Variants in ZNF536 observed in about 807,000 individuals in gnomAD.
ZNF536 encodes the protein zinc finger protein 536.
In ZNF536, 13 loss-of-function variants were observed where a neutral mutation model predicts 84.5. The observed-to-expected ratio is 0.15, with a 90% confidence interval of 0.10 to 0.24. The LOEUF is 0.24. Ranked by LOEUF, ZNF536 falls within the 10% of genes least tolerant of loss-of-function variation. ZNF536 has a pLI of 1.00. For missense variants in ZNF536, 1,536 were observed against 1,747.5 expected (o/e 0.88, Z 2.16); for synonymous variants, 811 against 742.5 (o/e 1.09, Z -1.50).
At chr19:30,514,226 C>G (rs2055539356) in intron 2 of ZNF536, among the ~76,000 whole-genome samples, 1 of 152,160 alleles carries the variant, frequency 6.6e-6, no homozygotes, top group Admixed American at 6.5e-5. Context: ...TCAATTGAAG[C>G]AGTTTGTCCA....
At chr19:30,453,509 T>C (rs1032134766) in intron 2 of ZNF536, among the ~76,000 whole-genome samples, 2 of 152,240 alleles carry the variant, frequency 1.3e-5, no homozygotes, top group Non-Finnish European at 2.9e-5. Flanking sequence ...TGACTGTTCC[T>C]TCCCTGTAAT....
intron 1 of ZNF536, among the ~76,000 whole-genome samples, chr19:30,264,671 AC>A (rs1047059546): frequency 1.3e-4 from 20 of 151,906 alleles, no homozygotes; most frequent in Admixed American, 1.0e-3. Flanking sequence ...ACACACACCC[AC>A]CCCAGTCTGG....
At chr19:30,694,565 C>G (rs112656598) in intron 1 of ZNF536, among the ~76,000 whole-genome samples, 1 of 152,134 alleles carries the variant, frequency 6.6e-6, no homozygotes, top group Non-Finnish European at 1.5e-5. Context: ...AGCTCCCCAG[C>G]GGCTGCCTCC....
intron 3 of ZNF536, among the ~76,000 whole-genome samples, chr19:30,360,624 T>C (rs1048670979): frequency 4.6e-5 from 7 of 152,074 alleles, no homozygotes; most frequent in African/African-American, 1.7e-4. Flanking sequence ...TGATAGTCGG[T>C]CTGACGCGGT....
intron 2 of ZNF536, among the ~76,000 whole-genome samples, chr19:30,299,295 GTTGA>G (rs1286156765): frequency 1.3e-5 from 2 of 152,146 alleles, no homozygotes; most frequent in Non-Finnish European, 2.9e-5. Flanking sequence ...TTTTTCATCT[GTTGA>G]TTTAGAAATC....
At chr19:30,299,899 T>C (rs563270163) in intron 2 of ZNF536, among the ~76,000 whole-genome samples, 1 of 152,300 alleles carries the variant, frequency 6.6e-6, no homozygotes, top group Admixed American at 6.5e-5. Context: ...AAAAAAGCCT[T>C]TTTTGAAAAA....
chr19:30,377,115 G>A (rs1239978840), intron 1 of ZNF536, among the ~76,000 whole-genome samples: 1 of 152,204 alleles, frequency 6.6e-6, no homozygotes, highest in Non-Finnish European at 1.5e-5. Context: ...CTGGGGCAAA[G>A]ATGTGAAGGA....
intron 1 of ZNF536, among the ~76,000 whole-genome samples, chr19:30,231,750 G>A (rs1255669979): frequency 6.6e-6 from 1 of 152,180 alleles, no homozygotes; most frequent in Non-Finnish European, 1.5e-5. Context: ...GTCAGAATGC[G>A]CTAAGCCAGG....
chr19:30,678,231 G>A (rs561368639), intron 1 of ZNF536, among the ~76,000 whole-genome samples: 19 of 152,314 alleles, frequency 1.2e-4, no homozygotes, highest in African/African-American at 4.3e-4. Flanking sequence ...AGGCTGGGCC[G>A]GGTTATGGCC....
chr19:30,443,787 G>A lies in ZNF536; in HGVS notation c.225G>A (p.Gln75=), dbSNP rs1336099936. ...AGGCCCACGTGCCCATGAGCGGCCA[G>A]CCCATGGGCAGTCAGATGGCGCTCC... The part of the protein sequence containing the change: ...EEKAHVPMSG[Q]PMGSQMALLA... Residue 75 remains glutamine, a synonymous_variant, in exon 2 of 5, where the codon CAG becomes CAA. Transcript: ENST00000355537. 3 of 1,613,082 alleles carry A rather than the reference G, an allele frequency of 1.9e-6. No homozygotes were observed. The highest frequency in any genetic ancestry group is 1.3e-5 in the African/African-American group (1 of 74,938).
chr19:30,375,186 C>T (rs1255614503), intron 1 of ZNF536, among the ~76,000 whole-genome samples: 1 of 149,612 alleles, frequency 6.7e-6, no homozygotes, highest in Admixed American at 6.7e-5. Context: ...CCGCCGCCTG[C>T]GTTCGTTGGC....
At chr19:30,497,197 C>T (rs1046358903) in intron 2 of ZNF536, among the ~76,000 whole-genome samples, 8 of 152,250 alleles carry the variant, frequency 5.3e-5, no homozygotes, top group African/African-American at 1.7e-4. Context: ...GCCCCGTGAG[C>T]GGCTTGAGTC....
intron 1 of ZNF536, among the ~76,000 whole-genome samples, chr19:30,384,486 A>G (rs925999244): frequency 3.3e-5 from 5 of 151,630 alleles, no homozygotes; most frequent in Non-Finnish European, 5.9e-5. Flanking sequence ...GCACGATCCC[A>G]GTGGGCTGGC....
chr19:30,632,535 G>A (rs2048922406), intron 1 of ZNF536, among the ~76,000 whole-genome samples: 1 of 152,180 alleles, frequency 6.6e-6, no homozygotes, highest in Non-Finnish European at 1.5e-5. Flanking sequence ...GAACCTGGGA[G>A]GTGGAGGTTG....
At chr19:30,366,870 CAG>C (rs1362108688) in intron 3 of ZNF536, among the ~76,000 whole-genome samples, 1 of 152,146 alleles carries the variant, frequency 6.6e-6, no homozygotes, top group African/African-American at 2.4e-5. Context: ...AGTGTTCAAA[CAG>C]GGGGATCTGA....
At chr19:30,698,312 C>T (rs373837806) in intron 1 of ZNF536, among the ~76,000 whole-genome samples, 49 of 151,908 alleles carry the variant, frequency 3.2e-4, no homozygotes, top group African/African-American at 1.2e-3. Flanking sequence ...AAAAAGTTTG[C>T]ATAGATAATA....
chr19:30,635,626 G>A (rs956746758), intron 1 of ZNF536, among the ~76,000 whole-genome samples: 1 of 152,186 alleles, frequency 6.6e-6, no homozygotes, highest in Non-Finnish European at 1.5e-5. Flanking sequence ...GCTCCTGGGT[G>A]TGGCTGGGGG....
chr19:30,241,507 A>G (rs1234597657), intron 1 of ZNF536, among the ~76,000 whole-genome samples: 1 of 152,186 alleles, frequency 6.6e-6, no homozygotes, highest in Non-Finnish European at 1.5e-5. Flanking sequence ...TTGGCGGTGG[A>G]TACCAGGATG....
intron 2 of ZNF536, among the ~76,000 whole-genome samples, chr19:30,517,811 A>G (rs534340666): frequency 1.3e-4 from 20 of 152,108 alleles, no homozygotes; most frequent in Non-Finnish European, 2.5e-4. Context: ...ACATACATAC[A>G]AACAAAAAAA....
Sources: allele counts gnomAD v4.1 joint callset (sites outside exome capture counted in the v4.1 genomes callset), GRCh38; gene constraint gnomAD v4.1.1; transcripts MANE v1.5; gene names NCBI Gene and HGNC (gene_info 2026-07-23, HGNC 2026-07-21).